Variants in DCDC1 observed in about 807,000 individuals in gnomAD.
DCDC1 encodes doublecortin domain-containing protein 1.
In DCDC1, 200 loss-of-function variants were observed where a neutral mutation model predicts 178.3. The ratio of observed to expected loss-of-function variants is 1.12; its 90% CI spans 1.00 to 1.26. The LOEUF (loss-of-function observed/expected upper bound fraction) is 1.26. Ranked by LOEUF, DCDC1 falls within the 50% of genes most tolerant of loss-of-function variation. The pLI is 0.00. For missense variants in DCDC1, 1,983 were observed against 1,749.2 expected, an observed-to-expected ratio of 1.13 and a Z score of -2.38; for synonymous variants, 690 against 604.8, an observed-to-expected ratio of 1.14 and a Z score of -2.07.
intron 34 of DCDC1, 38 bp from the exon 35 acceptor site, chr11:30,894,422 A>G: frequency 1.2e-6 from 2 of 1,602,958 alleles, no homozygotes; most frequent in Non-Finnish European, 8.5e-7. Context: ...GTTTCTGATG[A>G]TAGGCTTTCA....
intron 7 of DCDC1, among the ~76,000 whole-genome samples, chr11:31,270,796 T>C (rs1945496303): frequency 6.6e-6 from 1 of 152,196 alleles, no homozygotes; most frequent in Admixed American, 6.5e-5. Flanking sequence ...AAGCATATCA[T>C]CTTCTCTAAC....
intron 7 of DCDC1, among the ~76,000 whole-genome samples, chr11:31,266,496 T>C (rs1392371861): frequency 6.6e-6 from 1 of 152,194 alleles, no homozygotes; most frequent in Non-Finnish European, 1.5e-5. Flanking sequence ...AAATTCACCA[T>C]ATTCATCTAA....
intron 5 of DCDC1, among the ~76,000 whole-genome samples, 168 bp from the exon 6 acceptor site, chr11:31,305,945 A>G (rs1004624111): frequency 6.6e-6 from 1 of 152,200 alleles, no homozygotes; most frequent in Non-Finnish European, 1.5e-5. Context: ...AAGTCACAGC[A>G]TGAAGCATAT....
chr11:31,023,482 A>C (rs958497637), intron 20 of DCDC1, among the ~76,000 whole-genome samples: 1 of 152,068 alleles, frequency 6.6e-6, no homozygotes, highest in Non-Finnish European at 1.5e-5. Context: ...AAGAAAAGTA[A>C]AAACAGAGGG....
At chr11:31,070,110 C>A (rs1241599337) in intron 18 of DCDC1, among the ~76,000 whole-genome samples, 1 of 152,170 alleles carries the variant, frequency 6.6e-6, no homozygotes, top group East Asian at 1.9e-4. Flanking sequence ...TCATCCTAAA[C>A]CATTCCTTTC....
At chr11:30,968,711 T>TATATATATA (rs1949594817) in intron 20 of DCDC1, among the ~76,000 whole-genome samples, 26 of 61,024 alleles carry the variant, frequency 4.3e-4, no homozygotes, top group South Asian at 1.3e-3. Context: ...ATATATCAAA[T>TATATATATA]TATATATATA....
At chr11:30,895,901 AT>A (rs1250288589) in intron 34 of DCDC1, among the ~76,000 whole-genome samples, 1 of 152,202 alleles carries the variant, frequency 6.6e-6, no homozygotes, top group Non-Finnish European at 1.5e-5. Context: ...CAAATATTTT[AT>A]TTAGAATGCA....
intron 21 of DCDC1, among the ~76,000 whole-genome samples, chr11:30,938,851 A>G (rs186824052): frequency 6.6e-6 from 1 of 152,132 alleles, no homozygotes; most frequent in Non-Finnish European, 1.5e-5. Flanking sequence ...GGAGGGGGCC[A>G]CGTTGGCTCC....
At position 30,904,916 on chromosome 11, in the gene DCDC1, A is replaced by G. The variant is rs781129255; in HGVS notation, c.4308+45T>C. 19 of 1,608,044 alleles carry G rather than the reference A, an allele frequency of 1.2e-5. No homozygotes were observed. In the East Asian group the frequency reaches 4.0e-4, roughly 34 times the overall value. On this transcript the variant is annotated intron_variant, in intron 31 of 38. Coordinates refer to ENST00000684477, the MANE Select transcript of DCDC1 (RefSeq NM_001387274.1). ...TTCTTTAAGAAGAATTGCCATTGTC[A>G]TTACCTCTGAAGATGCAAGCAGCAT...
chr11:31,083,320 A>G (rs1957298623), intron 17 of DCDC1, among the ~76,000 whole-genome samples: 1 of 152,214 alleles, frequency 6.6e-6, no homozygotes, highest in Admixed American at 6.5e-5. Context: ...TCAGTTCTGT[A>G]TTTATTCTGA....
intron 9 of DCDC1, among the ~76,000 whole-genome samples, chr11:31,179,725 A>C (rs892484789): frequency 2.0e-5 from 3 of 152,162 alleles, no homozygotes; most frequent in African/African-American, 7.2e-5. Flanking sequence ...AACTAATACC[A>C]ATTCTCAAAC....
At chr11:31,224,179 C>G (rs1165430095) in intron 9 of DCDC1, among the ~76,000 whole-genome samples, 1 of 151,960 alleles carries the variant, frequency 6.6e-6, no homozygotes, top group African/African-American at 2.4e-5. Context: ...TTTTTCTTCC[C>G]AGTCTCAGGT....
At chr11:30,925,218 G>A in intron 23 of DCDC1, 91 bp downstream of exon 23, 1 of 1,080,100 alleles carries the variant, frequency 9.3e-7, no homozygotes, top group Non-Finnish European at 1.4e-6. Flanking sequence ...AATTAAAATG[G>A]TAAGCATTTG....
chr11:31,283,179 T>C (rs1287485108), intron 7 of DCDC1, among the ~76,000 whole-genome samples: 1 of 152,196 alleles, frequency 6.6e-6, no homozygotes, highest in Non-Finnish European at 1.5e-5. Flanking sequence ...CTTCTCAGTC[T>C]TTCTAGGGCT....
chr11:31,223,900 C>T (rs1435358810), intron 9 of DCDC1, among the ~76,000 whole-genome samples: 4 of 152,004 alleles, frequency 2.6e-5, no homozygotes, highest in African/African-American at 9.7e-5. Flanking sequence ...CAAATCTCAA[C>T]TTGAATTGTA....
intron 7 of DCDC1, among the ~76,000 whole-genome samples, chr11:31,274,094 C>T (rs1178882150): frequency 1.3e-5 from 2 of 152,100 alleles, no homozygotes; most frequent in Admixed American, 1.3e-4. Context: ...ATGAACAAAT[C>T]CTGAGATACA....
At chr11:31,145,010 A>C (rs1031011364) in intron 9 of DCDC1, among the ~76,000 whole-genome samples, 1 of 152,106 alleles carries the variant, frequency 6.6e-6, no homozygotes, top group Admixed American at 6.6e-5. Flanking sequence ...TTATATTTAA[A>C]TATTTAAGTT....
intron 38 of DCDC1, among the ~76,000 whole-genome samples, chr11:30,872,528 A>G (rs1264769308): frequency 1.3e-5 from 2 of 152,256 alleles, no homozygotes; most frequent in East Asian, 1.9e-4. Context: ...GAAAATTTCA[A>G]ATTACTCATG....
At chr11:31,309,162 G>GTGTGTGTGTGTA (rs1320242346) in intron 3 of DCDC1, among the ~76,000 whole-genome samples, 4 of 151,608 alleles carry the variant, frequency 2.6e-5, no homozygotes, top group African/African-American at 7.3e-5. Context: ...GTGTGTGTGT[G>GTGTGTGTGTGTA]TGTGTATGTG....
Sources: allele counts gnomAD v4.1 joint callset (sites outside exome capture counted in the v4.1 genomes callset), GRCh38; gene constraint gnomAD v4.1.1; transcripts MANE v1.5; gene names NCBI Gene and HGNC (gene_info 2026-07-23, HGNC 2026-07-21).